LRCH1: variants seen among roughly 807,000 people sequenced by gnomAD.
The protein encoded by LRCH1 is leucine rich repeats and calponin homology domain containing 1.
Under a neutral mutation model 94.9 loss-of-function variants are expected in LRCH1, and 23 were observed. That is an observed-to-expected ratio of 0.24 (90% CI 0.17 to 0.34). The LOEUF (loss-of-function observed/expected upper bound fraction) is 0.34, where lower values mean the gene tolerates loss of function less well. Among genes scored for constraint, LRCH1 ranks in the 10% least tolerant of loss-of-function variants. The probability of loss-of-function intolerance (pLI) is 1.00; values close to 1 mark genes in which losing one functional copy is unlikely to be tolerated. For synonymous variants in LRCH1, 364 were observed against 354.9 expected (o/e 1.03, Z -0.29); for missense variants, 790 against 945.9 (o/e 0.84, Z 2.16).
intron 2 of LRCH1, among the ~76,000 whole-genome samples, chr13:46,655,745 G>T (rs978341647): frequency 2.6e-5 from 4 of 152,232 alleles, no homozygotes; most frequent in Admixed American, 6.5e-5. Context: ...TAGTAGGAGT[G>T]TTGTGAATCT....
Position 46,687,923 on chromosome 13 carries a change from C to T in LRCH1, c.894C>T (p.Asp298=). 6.2e-7 allele frequency: 1 copy of T among 1,613,198 alleles called. No individual in the cohort carries two copies. The highest frequency in any genetic ancestry group is 8.5e-7 in the Non-Finnish European group (1 of 1,179,564). Residue 298 remains aspartate (D), a synonymous_variant, in exon 6 of 20, where the codon GAC becomes GAT. Transcript: ENST00000389797. The part of the protein sequence containing the change: ...SIQACQIKTA[D]SLYLHTMERP... Reference sequence around the variant, plus strand: ...AAGCATGCCAGATTAAGACAGCTGACTCCCTTTATCTCCACACCATGGAGA... The same window carrying T: ...AAGCATGCCAGATTAAGACAGCTGATTCCCTTTATCTCCACACCATGGAGA...
intron 13 of LRCH1, among the ~76,000 whole-genome samples, chr13:46,711,367 T>A (rs1013162281): frequency 1.3e-5 from 2 of 152,288 alleles, no homozygotes; most frequent in African/African-American, 4.8e-5. Flanking sequence ...CCCAGTTAAT[T>A]TGGGGTCCAG....
At chr13:46,716,480 G>A (rs962396140) in intron 16 of LRCH1, among the ~76,000 whole-genome samples, 2 of 152,180 alleles carry the variant, frequency 1.3e-5, no homozygotes, top group African/African-American at 4.8e-5. Flanking sequence ...GATTGCAGTC[G>A]AGTTAAGTGA....
At chr13:46,630,726 C>T (rs1459644514) in intron 1 of LRCH1, among the ~76,000 whole-genome samples, 1 of 152,216 alleles carries the variant, frequency 6.6e-6, no homozygotes, top group Non-Finnish European at 1.5e-5. Flanking sequence ...TACATTTTGG[C>T]TTTCCTTCCT....
chr13:46,742,233 C>CT lies in LRCH1; in HGVS notation c.*388dup, dbSNP rs1873700019. 9.2e-7 allele frequency: 1 copy of CT among 1,085,168 alleles called. No homozygotes were observed. The highest frequency in any genetic ancestry group is 4.3e-4 in the Middle Eastern group (1 of 2,340). 67.2% of individuals were successfully genotyped at this position (1,085,168 alleles called of 1,614,324 possible). ...GGACAGGGATTTAGCATATGGAAGT[C>CT]TTTCCTTTGGGTCAGTATTGAACTA... On this transcript the variant is annotated 3_prime_UTR_variant, in exon 20 of 20. Transcript: ENST00000389797.
intron 5 of LRCH1, among the ~76,000 whole-genome samples, chr13:46,687,111 A>C (rs1870661091): frequency 6.7e-6 from 1 of 149,292 alleles, no homozygotes; most frequent in East Asian, 1.9e-4. Flanking sequence ...GGCGCCTGCC[A>C]CCACACCTGG....
intron 1 of LRCH1, among the ~76,000 whole-genome samples, chr13:46,612,488 G>A (rs74076481): frequency 5.6e-4 from 86 of 152,296 alleles, no homozygotes; most frequent in Middle Eastern, 3.4e-3. Flanking sequence ...GGCTCCAAAT[G>A]TAAATTCATC....
chr13:46,748,209 T>C (rs1277695720), downstream of LRCH1, among the ~76,000 whole-genome samples: 1 of 152,174 alleles, frequency 6.6e-6, no homozygotes, highest in Non-Finnish European at 1.5e-5. Flanking sequence ...TAGGAAATCC[T>C]TTCCCATCCA....
intron 2 of LRCH1, among the ~76,000 whole-genome samples, chr13:46,652,375 C>G (rs886136679): frequency 6.8e-6 from 1 of 147,150 alleles, no homozygotes; most frequent in Admixed American, 7.0e-5. Context: ...TGCGTCTGGC[C>G]AAGTGTATTT....
intron 1 of LRCH1, among the ~76,000 whole-genome samples, chr13:46,566,529 G>A (rs890015897): frequency 1.3e-5 from 2 of 152,178 alleles, no homozygotes; most frequent in South Asian, 2.1e-4. Context: ...ACCCTTGTGA[G>A]GTCGGGAGTA....
At position 46,744,565 on chromosome 13, in the gene LRCH1, G is replaced by A. The variant is rs1024188572; in HGVS notation, c.*2717G>A. 2.3e-5 allele frequency: 23 copies of A among 985,226 alleles called. No homozygotes were observed. Among genetic ancestry groups the A allele is most frequent in the Admixed American group, 6.2e-5 (1 of 16,254 alleles). The allele number at this position is 985,226 out of a possible 1,614,324, so 61.0% of individuals were successfully genotyped here. ...CGCAGAACTACAATGTATGATAATC[G>A]AGTATAAATTTCATCAATGAGAGTA... On this transcript the variant is annotated 3_prime_UTR_variant, in exon 20 of 20. Coordinates refer to ENST00000389797, the MANE Select transcript of LRCH1 (RefSeq NM_001164211.2).
intron 19 of LRCH1, among the ~76,000 whole-genome samples, chr13:46,740,329 A>T (rs535897958): frequency 6.6e-6 from 1 of 152,370 alleles, no homozygotes; most frequent in South Asian, 2.1e-4. Flanking sequence ...TATTCATCTT[A>T]AAAATATTTT....
intron 3 of LRCH1, 73 bp downstream of exon 3, chr13:46,669,229 C>T: frequency 6.4e-7 from 1 of 1,558,838 alleles, no homozygotes; most frequent in Non-Finnish European, 8.7e-7. Context: ...ATTCAGAAAA[C>T]CTTTTTGCTA....
At chr13:46,662,384 C>A (rs898761615) in intron 2 of LRCH1, among the ~76,000 whole-genome samples, 3 of 152,140 alleles carry the variant, frequency 2.0e-5, no homozygotes, top group African/African-American at 7.2e-5. Context: ...TACTTAAAAG[C>A]CCACATCTAC....
intron 7 of LRCH1, 55 bp from the exon 8 acceptor site, chr13:46,692,481 T>G: frequency 8.2e-7 from 1 of 1,219,422 alleles, no homozygotes; most frequent in Non-Finnish European, 1.2e-6. Context: ...AGCATTCTCC[T>G]TATCTACATT....
At chr13:46,696,948 G>A (rs1338777843) in intron 9 of LRCH1, among the ~76,000 whole-genome samples, 1 of 152,142 alleles carries the variant, frequency 6.6e-6, no homozygotes, top group African/African-American at 2.4e-5. Flanking sequence ...TGCTCCTTGA[G>A]TCTCAGCTAC....
intron 1 of LRCH1, among the ~76,000 whole-genome samples, chr13:46,586,607 G>A (rs2050438148): frequency 6.6e-6 from 1 of 152,094 alleles, no homozygotes; most frequent in African/African-American, 2.4e-5. Context: ...TAGTAGAGAT[G>A]GGGTTTCGCC....
chr13:46,617,501 A>G (rs561955701), intron 1 of LRCH1, among the ~76,000 whole-genome samples: 2 of 152,214 alleles, frequency 1.3e-5, no homozygotes, highest in Admixed American at 6.5e-5. Context: ...GCACATTCCT[A>G]TTTGCTCCGC....
chr13:46,714,432 A>C (rs1872221306), intron 15 of LRCH1, among the ~76,000 whole-genome samples: 2 of 152,214 alleles, frequency 1.3e-5, no homozygotes, highest in Non-Finnish European at 2.9e-5. Context: ...TTAACTGGAA[A>C]GCATATAGTT....
Sources: gnomAD v4.1 joint callset for allele counts (sites outside exome capture counted in the v4.1 genomes callset) on GRCh38, gnomAD v4.1.1 for gene constraint, MANE v1.5 for transcripts, NCBI Gene and HGNC (gene_info 2026-07-23, HGNC 2026-07-21) for gene names.